The following TFAP2E variants were observed in gnomAD, a reference collection of about 807,000 sequenced individuals.
The protein encoded by TFAP2E is transcription factor AP-2-epsilon.
Under a neutral mutation model 37.9 loss-of-function variants are expected in TFAP2E, and 30 were observed. That is an observed-to-expected ratio of 0.79 (90% confidence interval 0.59 to 1.07). TFAP2E has a LOEUF of 1.07. Among genes scored for constraint, TFAP2E ranks in the 50% least tolerant of loss-of-function variants. The pLI, the probability that TFAP2E is intolerant of heterozygous loss-of-function variation, is 0.00. For synonymous variants in TFAP2E, 318 were observed against 295.8 expected (o/e 1.08, Z -0.77); for missense variants, 567 against 637.9 (o/e 0.89, Z 1.20).
At chr1:35,591,409 C>T (rs1398504510) in intron 6 of TFAP2E, among the ~76,000 whole-genome samples, 2 of 152,154 alleles carry the variant, frequency 1.3e-5, no homozygotes, top group African/African-American at 4.8e-5. Flanking sequence ...CAACCCTCTG[C>T]TCCAGTGACG....
chr1:35,583,935 G>A (rs1466075148), intron 3 of TFAP2E, among the ~76,000 whole-genome samples: 1 of 152,136 alleles, frequency 6.6e-6, no homozygotes, highest in Non-Finnish European at 1.5e-5. Flanking sequence ...CATGAGCAAT[G>A]TCATCTCTGC....
rs557377866 is a variant in TFAP2E at position 35,577,223 on chromosome 1, G to C, written c.562+2223G>C. 125 of 368,394 alleles carry C rather than the reference G, an allele frequency of 3.4e-4. No homozygotes were observed. The highest frequency in any genetic ancestry group is 2.6e-3 in the African/African-American group (122 of 47,280). The allele number at this position is 368,394 out of a possible 1,614,324, so 22.8% of individuals were successfully genotyped here. ...CGTGACCCAGGGGAAAGCGTGGGCG[G>C]TCGACCCAGGGCAGCTGCGGCGGCG... On this transcript the variant is annotated intron_variant, in intron 3 of 6. Coordinates refer to ENST00000373235, the MANE Select transcript of TFAP2E (RefSeq NM_178548.4). The surrounding 1 kb of genome is among the most constrained non-coding windows in gnomAD (Gnocchi z 6.3).
At chr1:35,589,188 CTGTGTGTGTGTGTGTGTGTGTG>C (rs757213879) in intron 4 of TFAP2E, among the ~76,000 whole-genome samples, 12 of 125,936 alleles carry the variant, frequency 9.5e-5, no homozygotes, top group African/African-American at 2.5e-4. Flanking sequence ...GTGTCCTGCT[CTGTGTGTGTGTGTGTGTGTGTG>C]TGTGTGTGTG....
rs1156240803 is a variant in TFAP2E at position 35,588,913 on chromosome 1, G to A, written c.785+361G>A. Among the ~76,000 whole-genome samples the A allele has an allele frequency of 6.6e-6, 1 of 152,160 alleles. No homozygotes were observed. The highest frequency in any genetic ancestry group is 1.5e-5 in the Non-Finnish European group (1 of 68,018). On this transcript the variant is annotated intron_variant, in intron 4 of 6. Coordinates refer to ENST00000373235, the MANE Select transcript of TFAP2E (RefSeq NM_178548.4). This position sits in a 1 kb window ranked among gnomAD's most constrained non-coding sequence, Gnocchi z 5.1. ...CAGGACCCGAGGCCCATTCTGCGCG[G>A]CAGCATAGGCCCTGTGTGTTTTGGG...
chr1:35,591,020 G>A (rs1323381834), intron 6 of TFAP2E, among the ~76,000 whole-genome samples: 4 of 151,058 alleles, frequency 2.6e-5, no homozygotes, highest in South Asian at 2.1e-4. Flanking sequence ...GTACGTGCGC[G>A]CCACTGTGTA....
At position 35,588,503 on chromosome 1, in the gene TFAP2E, TCGCCTCCCGAGTGCCTCAA is replaced by T. The variant is rs1358160422; in HGVS notation, c.745_763del (p.Glu249SerfsTer22). 6.2e-7 allele frequency: 1 copy of T among 1,606,478 alleles called. No individual in the cohort carries two copies. The highest frequency in any genetic ancestry group is 8.5e-7 in the Non-Finnish European group (1 of 1,177,474). ...GGTGGGGGAGGTGCAGCGGCGACTCTCGCCTCCCGAGTGCCTCAACGCCTCCCTCCTGGGGGGTGTCCTC... is the reference window on the plus strand; with the variant it reads ...GGTGGGGGAGGTGCAGCGGCGACTCTCGCCTCCCTCCTGGGGGGTGTCCTC... On this transcript the variant is annotated frameshift_variant, in exon 4 of 7. Coordinates refer to ENST00000373235, the MANE Select transcript of TFAP2E (RefSeq NM_178548.4). LOFTEE classifies it high-confidence loss of function. The surrounding 1 kb of genome is among the most constrained non-coding windows in gnomAD (Gnocchi z 5.1).
chr1:35,591,779 T>A (rs911037126), intron 6 of TFAP2E, among the ~76,000 whole-genome samples: 1 of 152,146 alleles, frequency 6.6e-6, no homozygotes, highest in Non-Finnish European at 1.5e-5. Flanking sequence ...CTCCACCTCC[T>A]GGGTTCAAGC....
rs747334373 is a variant in TFAP2E at position 35,594,589 on chromosome 1, G to A, written c.1242G>A (p.Lys414=). The A allele has an allele frequency of 2.6e-5, 42 of 1,614,124 alleles. No individual in the cohort carries two copies. The highest frequency in any genetic ancestry group is 1.6e-4 in the Middle Eastern group (1 of 6,084). The part of the protein sequence containing the change: ...AFQNYLLESL[K]GLDKMFLSSV... ...AGAACTATTTGCTGGAGTCACTCAA[G>A]GGGCTGGACAAGATGTTTCTAAGCA... Residue 414 remains lysine, a synonymous_variant, in exon 7 of 7, where the codon AAG becomes AAA. Transcript: ENST00000373235.
Position 35,573,873 on chromosome 1 carries a change from TG to T in TFAP2E, c.28-50del. Reference sequence around the variant, plus strand: ...CGAGCTGAGGAGGATCCTTTCAGGCTGGGGTCCTTTCAGCTGCCAGTGGGTC... The same window carrying T: ...CGAGCTGAGGAGGATCCTTTCAGGCTGGGTCCTTTCAGCTGCCAGTGGGTC... On this transcript the variant is annotated intron_variant, in intron 1 of 6. Transcript: ENST00000373235. The surrounding 1 kb of genome is among the most constrained non-coding windows in gnomAD (Gnocchi z 5.9). 3 of 1,417,870 alleles carry T rather than the reference TG, an allele frequency of 2.1e-6. No individual in the cohort carries two copies. Among genetic ancestry groups the T allele is most frequent in the Non-Finnish European group, 1.8e-6 (2 of 1,095,344 alleles). 87.8% of individuals were successfully genotyped at this position (1,417,870 alleles called of 1,614,324 possible).
At chr1:35,580,082 C>T (rs1015344526) in intron 3 of TFAP2E, among the ~76,000 whole-genome samples, 2 of 152,100 alleles carry the variant, frequency 1.3e-5, no homozygotes, top group Admixed American at 1.3e-4. Context: ...TGGTGGTGCA[C>T]GCCTGTAGTC....
At chr1:35,592,165 G>T (rs1649705842) in intron 6 of TFAP2E, among the ~76,000 whole-genome samples, 1 of 151,994 alleles carries the variant, frequency 6.6e-6, no homozygotes, top group African/African-American at 2.4e-5. Flanking sequence ...CACTCCTGTA[G>T]TCCCAGCTAC....
chr1:35,590,738 G>T lies in TFAP2E; in HGVS notation c.1009G>T (p.Glu337Ter). ...YLCRQHADPG[E>*]LHSRKSMLLA... ...GTGCCGACAGCACGCTGACCCGGGG[G>T]AGCTGCACAGCCGCAAGAGCATGCT... is the stretch of plus-strand genomic sequence containing the variant. Residue 337 changes from glutamate to a stop codon, truncating the protein, a stop_gained, in exon 6 of 7, where the codon GAG (glutamate) becomes TAG (stop). Coordinates refer to ENST00000373235, the MANE Select transcript of TFAP2E (RefSeq NM_178548.4). LOFTEE classifies it high-confidence loss of function. The surrounding 1 kb of genome is among the most constrained non-coding windows in gnomAD (Gnocchi z 6.2). The T allele has an allele frequency of 6.6e-7, 1 of 1,521,358 alleles. No homozygotes were observed. The highest frequency in any genetic ancestry group is 2.4e-5 in the East Asian group (1 of 42,084). 94.2% of individuals were successfully genotyped at this position (1,521,358 alleles called of 1,614,324 possible).
At chr1:35,593,125 G>A (rs1181455866) in intron 6 of TFAP2E, among the ~76,000 whole-genome samples, 3 of 151,998 alleles carry the variant, frequency 2.0e-5, no homozygotes, top group Non-Finnish European at 2.9e-5. Context: ...TGATCAGATC[G>A]CTTGAGCCCA....
In TFAP2E at chr1:35,594,379, T is replaced by G. The variant is rs1649770171; in HGVS notation, c.1047-15T>G. ...ACTTTTGTCCTCCAACCTCTGACCC[T>G]CCTTCTCGCACCAGGCAGATCTGCA... On this transcript the variant is annotated splice_polypyrimidine_tract_variant and intron_variant, in intron 6 of 6. Transcript: ENST00000373235. 6.2e-7 allele frequency: 1 copy of G among 1,608,302 alleles called. No individual in the cohort carries two copies. Among genetic ancestry groups the G allele is most frequent in the Non-Finnish European group, 8.5e-7 (1 of 1,178,818 alleles).
At chr1:35,589,631 C>A (rs1649594430) in intron 4 of TFAP2E, among the ~76,000 whole-genome samples, 1 of 151,722 alleles carries the variant, frequency 6.6e-6, no homozygotes, top group African/African-American at 2.4e-5. Context: ...TGTGTGTGGC[C>A]CTCTGGTGTG....
chr1:35,573,913 C>T lies in TFAP2E; in HGVS notation c.28-14C>T. 4.8e-6 allele frequency: 7 copies of T among 1,448,194 alleles called. No individual in the cohort carries two copies. Among genetic ancestry groups the T allele is most frequent in the Non-Finnish European group, 6.3e-6 (7 of 1,115,422 alleles). The allele number at this position is 1,448,194 out of a possible 1,614,324, so 89.7% of individuals were successfully genotyped here. A position where few individuals can be genotyped will look rare whatever the true frequency, so the allele number is the denominator to read the frequency against. On this transcript the variant is annotated splice_polypyrimidine_tract_variant and intron_variant, in intron 1 of 6. Coordinates refer to ENST00000373235, the MANE Select transcript of TFAP2E (RefSeq NM_178548.4). This position sits in a 1 kb window ranked among gnomAD's most constrained non-coding sequence, Gnocchi z 5.9. ...TGCCAGTGGGTCACCTAAGGCACCC[C>T]TCTCCTTCCCCAGGAGCGCCCCGAC...
chr1:35,579,331 G>A (rs556326122), intron 3 of TFAP2E, among the ~76,000 whole-genome samples: 1 of 151,826 alleles, frequency 6.6e-6, no homozygotes, highest in Admixed American at 6.6e-5. Context: ...GCGGGGCGGA[G>A]GTTGCAGTGA....
intron 3 of TFAP2E, among the ~76,000 whole-genome samples, chr1:35,575,276 G>A (rs1454916309): frequency 2.6e-5 from 4 of 152,248 alleles, no homozygotes; most frequent in Non-Finnish European, 5.9e-5. Context: ...CACTCTTGTG[G>A]ATCTGGAGTT....
At chr1:35,578,038 G>C (rs75144251) in intron 3 of TFAP2E, among the ~76,000 whole-genome samples, 6,740 of 152,204 alleles carry the variant, frequency 0.044, 344 homozygotes, top group African/African-American at 0.13. Context: ...GACGCGGGAG[G>C]AGCTCAGAGG....
Sources: gnomAD v4.1 joint callset for allele counts (sites outside exome capture counted in the v4.1 genomes callset) on GRCh38, gnomAD v4.1.1 for gene constraint, Gnocchi (gnomAD v3.1) non-coding constraint, MANE v1.5 for transcripts, NCBI Gene and HGNC (gene_info 2026-07-23, HGNC 2026-07-21) for gene names.